Variants in PTPRU observed in about 807,000 individuals in gnomAD.
PTPRU encodes receptor-type tyrosine-protein phosphatase U.
A neutral mutation model predicts 166.3 loss-of-function variants in PTPRU; 69 were observed. The observed-to-expected ratio is 0.41, with a 90% CI of 0.34 to 0.51. The LOEUF is 0.51. Ranked by LOEUF, PTPRU falls within the 20% of genes least tolerant of loss-of-function variation. PTPRU has a pLI of 0.09. For missense variants in PTPRU, 1,657 were observed against 2,013.7 expected, an observed-to-expected ratio of 0.82 and a Z score of 3.39; for synonymous variants, 793 against 814.0, an observed-to-expected ratio of 0.97 and a Z score of 0.44.
chr1:29,251,947 G>C (rs1340295110), intron 1 of PTPRU, among the ~76,000 whole-genome samples: 1 of 152,214 alleles, frequency 6.6e-6, no homozygotes, highest in Non-Finnish European at 1.5e-5. Flanking sequence ...CTCTCTCTCT[G>C]TACTTGCCAT....
chr1:29,269,114 A>C (rs1281120010), intron 7 of PTPRU, among the ~76,000 whole-genome samples: 4 of 150,786 alleles, frequency 2.7e-5, no homozygotes, highest in Admixed American at 6.6e-5. Flanking sequence ...ATCATAGCTC[A>C]CTGCGTGCAG....
intron 1 of PTPRU, among the ~76,000 whole-genome samples, chr1:29,253,161 G>A (rs1465602566): frequency 6.6e-6 from 1 of 152,242 alleles, no homozygotes; most frequent in Admixed American, 6.5e-5. Flanking sequence ...TATGGGAGAA[G>A]GGACATGGAG....
intron 1 of PTPRU, among the ~76,000 whole-genome samples, chr1:29,252,602 C>T (rs1026776508): frequency 2.6e-5 from 4 of 152,126 alleles, no homozygotes; most frequent in Admixed American, 1.3e-4. Flanking sequence ...TCACATCATC[C>T]GCATCACCGC....
chr1:29,280,087 AGAACACCATCACCGT>A lies in PTPRU; in HGVS notation c.1816_1830del (p.Asn606_Val610del). Reference sequence around the variant, plus strand: ...ATGCCGTCACCCCTGGGCGAGTCTGAGAACACCATCACCGTGCTGCTGAGGCCGGCACAGGGCCGC... The same window carrying A: ...ATGCCGTCACCCCTGGGCGAGTCTGAGCTGCTGAGGCCGGCACAGGGCCGC... On this transcript the variant is annotated inframe_deletion, in exon 11 of 30. Coordinates refer to ENST00000373779, the MANE Select transcript of PTPRU (RefSeq NM_133178.4). This position sits in a 1 kb window ranked among gnomAD's most constrained non-coding sequence, Gnocchi z 4.2. The A allele has an allele frequency of 6.2e-7, 1 of 1,613,730 alleles. No homozygotes were observed. The highest frequency in any genetic ancestry group is 1.7e-5 in the Admixed American group (1 of 60,018).
intron 1 of PTPRU, among the ~76,000 whole-genome samples, chr1:29,244,782 A>G (rs993818215): frequency 6.6e-6 from 1 of 152,152 alleles, no homozygotes; most frequent in Non-Finnish European, 1.5e-5. Flanking sequence ...TCATGAGGAT[A>G]TGTTTTATGG....
chr1:29,269,841 C>A lies in PTPRU; in HGVS notation c.1145-5607C>A, dbSNP rs140373362. Among the ~76,000 whole-genome samples, 410 of 152,190 alleles carry A rather than the reference C, an allele frequency of 2.7e-3. 1 individual carries two copies. The highest frequency in any genetic ancestry group is 4.8e-3 in the Non-Finnish European group (325 of 68,022). On this transcript the variant is annotated intron_variant, in intron 7 of 29. Coordinates refer to ENST00000373779, the MANE Select transcript of PTPRU (RefSeq NM_133178.4). ...TATGCCTGCAGTAGACATTTTTACACCCTTGCATTGGGATGTAGAAAGCAT... is the reference window on the plus strand; with the variant it reads ...TATGCCTGCAGTAGACATTTTTACAACCTTGCATTGGGATGTAGAAAGCAT...
rs1323115388 is a variant in PTPRU, at chr1:29,312,635, G to A, written c.3156G>A (p.Gly1052=). 1.2e-6 allele frequency: 2 copies of A among 1,612,000 alleles called. No homozygotes were observed. Among genetic ancestry groups the A allele is most frequent in the Admixed American group, 1.7e-5 (1 of 60,000 alleles). The change falls in exon 22 of 30, where the codon GGG becomes GGA. Residue 1052 remains glycine, a synonymous_variant. Coordinates refer to ENST00000373779, the MANE Select transcript of PTPRU (RefSeq NM_133178.4). Reference sequence around the variant, plus strand: ...ATGGCGTCCCCTACCATGCCACGGGGCTGCTGGCTTTCATCCGGCGCGTGA... The same window carrying A: ...ATGGCGTCCCCTACCATGCCACGGGACTGCTGGCTTTCATCCGGCGCGTGA... ...PEHGVPYHAT[G]LLAFIRRVKA...
rs911262456 is a variant in PTPRU, at chr1:29,315,329, C to T, written c.3228-43C>T. 1.2e-6 allele frequency: 2 copies of T among 1,612,460 alleles called. No homozygotes were observed. Among genetic ancestry groups the T allele is most frequent in the Non-Finnish European group, 1.7e-6 (2 of 1,179,526 alleles). On this transcript the variant is annotated intron_variant, in intron 22 of 29. Coordinates refer to ENST00000373779, the MANE Select transcript of PTPRU (RefSeq NM_133178.4). The surrounding 1 kb of genome is among the most constrained non-coding windows in gnomAD (Gnocchi z 4.5). ...CTTCTTCTCCTTAGTCCCGGGCTTC[C>T]TCCCCAAAGCTCTGACCTGGTCTGG...
At chr1:29,325,091 TCTC>T in intron 28 of PTPRU, 97 bp from the exon 29 acceptor site, 1 of 1,486,608 alleles carries the variant, frequency 6.7e-7, no homozygotes, top group Non-Finnish European at 9.2e-7. Context: ...GCTCCGTCCC[TCTC>T]CTCTAGGCTC....
At chr1:29,304,949 A>G in intron 17 of PTPRU, 100 bp downstream of exon 17, 1 of 1,143,106 alleles carries the variant, frequency 8.7e-7, no homozygotes, top group South Asian at 1.5e-5. Context: ...CAGAGATGAT[A>G]GTAGCATTGG....
At chr1:29,309,922 C>T (rs1407573025) in intron 18 of PTPRU, among the ~76,000 whole-genome samples, 6 of 152,156 alleles carry the variant, frequency 3.9e-5, no homozygotes, top group African/African-American at 1.4e-4. Flanking sequence ...CCGCATTGCC[C>T]GCATTGATGC....
chr1:29,257,257 G>T lies in PTPRU; in HGVS notation c.206-1248G>T, dbSNP rs527899987. 5.9e-5 allele frequency among the ~76,000 whole-genome samples: 9 copies of T among 152,214 alleles called. No homozygotes were observed. The highest frequency in any genetic ancestry group is 2.1e-4 in the South Asian group (1 of 4,808). On this transcript the variant is annotated intron_variant, in intron 2 of 29. Coordinates refer to ENST00000373779, the MANE Select transcript of PTPRU (RefSeq NM_133178.4). The surrounding 1 kb of genome is among the most constrained non-coding windows in gnomAD (Gnocchi z 4.6). ...AGTGGGCCAAGAGGGAGTGTGTTGG[G>T]GGTTGAGAAGTGCCCCTTCCTGGGT...
At chr1:29,319,657 G>C (rs549751808) in intron 25 of PTPRU, among the ~76,000 whole-genome samples, 1 of 152,350 alleles carries the variant, frequency 6.6e-6, no homozygotes, top group South Asian at 2.1e-4. Context: ...TGGGGGACCA[G>C]GGGGGCTCTT....
Position 29,280,077 on chromosome 1 carries a change from G to A in PTPRU, c.1804G>A (p.Gly602Ser). 1 of 1,613,764 alleles carries A rather than the reference G, an allele frequency of 6.2e-7. No individual in the cohort carries two copies. The highest frequency in any genetic ancestry group is 8.5e-7 in the Non-Finnish European group (1 of 1,180,006). The stretch of plus-strand genomic sequence containing the variant: ...TTATGCCGACATGCCGTCACCCCTG[G>A]GCGAGTCTGAGAACACCATCACCGT... ...FDYADMPSPL[G>S]ESENTITVLL... Residue 602 changes from glycine to serine, a missense_variant, in exon 11 of 30, where the codon GGC becomes AGC. Physicochemically the swap from Gly to Ser is moderately conservative, Grantham distance 56. Coordinates refer to ENST00000373779, the MANE Select transcript of PTPRU (RefSeq NM_133178.4). This position sits in a 1 kb window ranked among gnomAD's most constrained non-coding sequence, Gnocchi z 4.2.
Position 29,315,541 on chromosome 1 carries a change from A to G in PTPRU, c.3363+34A>G. 1.2e-6 allele frequency: 2 copies of G among 1,612,922 alleles called. No individual in the cohort carries two copies. Among genetic ancestry groups the G allele is most frequent in the South Asian group, 2.2e-5 (2 of 91,058 alleles). ...ACCTGGCCCTGTCCCCACCATTATTACTTCTAGGACTGGAGTTTCTCGTGA... is the reference window on the plus strand; with the variant it reads ...ACCTGGCCCTGTCCCCACCATTATTGCTTCTAGGACTGGAGTTTCTCGTGA... On this transcript the variant is annotated intron_variant, in intron 23 of 29. Transcript: ENST00000373779. This position sits in a 1 kb window ranked among gnomAD's most constrained non-coding sequence, Gnocchi z 4.5.
rs374298675 is a variant in PTPRU at position 29,279,892 on chromosome 1, C to T, written c.1766-147C>T. On this transcript the variant is annotated intron_variant, in intron 10 of 29. Transcript: ENST00000373779. This position sits in a 1 kb window ranked among gnomAD's most constrained non-coding sequence, Gnocchi z 5.2. ...TGGGGCTGGTGCCTGAGGTCAGGGG[C>T]CAGGGTAGCTCAGGTCATGTCAGCA... 8.1e-5 allele frequency: 78 copies of T among 965,898 alleles called. 1 individual carries two copies. The highest frequency in any genetic ancestry group is 6.9e-4 in the African/African-American group (42 of 60,784). The allele number at this position is 965,898 out of a possible 1,614,324, so 59.8% of individuals were successfully genotyped here. A position where few individuals can be genotyped will look rare whatever the true frequency, so the allele number is the denominator to read the frequency against.
At chr1:29,283,883 C>T (rs1179237082) in intron 12 of PTPRU, 57 bp from the exon 13 acceptor site, 2 of 1,606,618 alleles carry the variant, frequency 1.2e-6, no homozygotes, top group Non-Finnish European at 1.7e-6. Context: ...GGTTCCCACC[C>T]TGGGGAGGGA....
chr1:29,312,459 G>A (rs1687708566), intron 21 of PTPRU, 93 bp from the exon 22 acceptor site: 3 of 1,201,602 alleles, frequency 2.5e-6, no homozygotes, highest in African/African-American at 1.5e-5. Context: ...ATTATACAAT[G>A]AGATGCTTAC....
intron 3 of PTPRU, 143 bp downstream of exon 3, chr1:29,258,919 T>G: frequency 7.8e-7 from 1 of 1,284,326 alleles, no homozygotes; most frequent in Non-Finnish European, 1.0e-6. Flanking sequence ...AGGCCAGGGG[T>G]CAGTCTGGGG....
Sources: gnomAD v4.1 joint callset for allele counts (sites outside exome capture counted in the v4.1 genomes callset) on GRCh38, gnomAD v4.1.1 for gene constraint, Gnocchi (gnomAD v3.1) non-coding constraint, MANE v1.5 for transcripts, NCBI Gene and HGNC (gene_info 2026-07-23, HGNC 2026-07-21) for gene names.